Variants in PCDHGA1 observed in about 807,000 individuals in gnomAD.
The protein encoded by PCDHGA1 is protocadherin gamma-A1.
PCDHGA1 carries 32 observed loss-of-function variants against 58.0 expected under a neutral mutation model. The ratio of observed to expected loss-of-function variants is 0.55; its 90% CI spans 0.42 to 0.74. The LOEUF (loss-of-function observed/expected upper bound fraction) is 0.74, where lower values mean the gene tolerates loss of function less well. PCDHGA1 is among the 30% of genes least tolerant of loss of function. The probability of loss-of-function intolerance (pLI) is 0.00; values close to 1 mark genes in which losing one functional copy is unlikely to be tolerated. For synonymous variants in PCDHGA1, 498 were observed against 501.1 expected (o/e 0.99, Z 0.08); for missense variants, 1,205 against 1,182.3 (o/e 1.02, Z -0.28).
chr5:141,490,482 G>A lies in PCDHGA1; in HGVS notation c.2422-4325G>A. On this transcript the variant is annotated intron_variant, in intron 1 of 3. Coordinates refer to ENST00000517417, the MANE Select transcript of PCDHGA1 (RefSeq NM_018912.3). The surrounding 1 kb of genome is among the most constrained non-coding windows in gnomAD (Gnocchi z 5.4). ...TGCTAACCAGCCAGCCTTTGGACCG[G>A]GAGGCCACATCCCACTATATCATCG... 2.5e-6 allele frequency: 4 copies of A among 1,614,154 alleles called. No homozygotes were observed. In the South Asian group the frequency reaches 4.4e-5, roughly 18 times the overall value.
In PCDHGA1 at chr5:141,420,182, C is replaced by G. The variant is rs375716662; in HGVS notation, c.2422-74625C>G. The G allele has an allele frequency of 3.7e-6, 6 of 1,613,694 alleles. No individual in the cohort carries two copies. In the African/African-American group the frequency reaches 8.0e-5, roughly 22 times the overall value. Reference sequence around the variant, plus strand: ...TTTTTTCACATCTGTTGATCATTGTCCAGCCACACAAGATAACCTCAACAA... The same window carrying G: ...TTTTTTCACATCTGTTGATCATTGTGCAGCCACACAAGATAACCTCAACAA... On this transcript the variant is annotated intron_variant, in intron 1 of 3. Transcript: ENST00000517417.
At chr5:141,333,258 C>A in intron 1 of PCDHGA1, 153 bp downstream of exon 1, 3 of 1,074,282 alleles carry the variant, frequency 2.8e-6, no homozygotes, top group Non-Finnish European at 4.0e-6. Flanking sequence ...ATTGAGTCTA[C>A]ACGTTCATAT....
chr5:141,366,285 C>T (rs1764466152), intron 1 of PCDHGA1: 4 of 1,613,710 alleles, frequency 2.5e-6, no homozygotes, highest in East Asian at 2.2e-5. Flanking sequence ...CATGGCCAGC[C>T]CCCTCTGTCA....
intron 2 of PCDHGA1, among the ~76,000 whole-genome samples, chr5:141,500,254 G>A (rs1260325865): frequency 1.3e-5 from 2 of 150,426 alleles, no homozygotes; most frequent in Non-Finnish European, 3.0e-5. Context: ...TGTCACCCAG[G>A]CTGGACTGCA....
At chr5:141,377,347 T>G (rs902378263) in intron 1 of PCDHGA1, 3 of 152,196 alleles carry the variant, frequency 2.0e-5, no homozygotes, top group Non-Finnish European at 2.9e-5. Flanking sequence ...GGTTCACGCC[T>G]GTAATCCCAC....
At chr5:141,421,748 G>A (rs763166274) in intron 1 of PCDHGA1, 4 of 1,613,944 alleles carry the variant, frequency 2.5e-6, no homozygotes, top group South Asian at 2.2e-5. Context: ...TACCAGCTCA[G>A]CCCTAATAAT....
chr5:141,382,530 G>T (rs1043069134), intron 1 of PCDHGA1, among the ~76,000 whole-genome samples: 2 of 152,150 alleles, frequency 1.3e-5, no homozygotes, highest in Non-Finnish European at 2.9e-5. Context: ...GTCTTAAAAT[G>T]GATTTTTAAT....
intron 1 of PCDHGA1, chr5:141,357,132 G>C (rs1369808514): frequency 6.2e-7 from 1 of 1,613,550 alleles, no homozygotes; most frequent in South Asian, 1.1e-5. Flanking sequence ...GGCTTGTAGT[G>C]GTCGTCCAGG....
intron 1 of PCDHGA1, chr5:141,385,030 C>T (rs1448535123): frequency 6.2e-7 from 1 of 1,614,070 alleles, no homozygotes; most frequent in Non-Finnish European, 8.5e-7. Flanking sequence ...CGTCCTCGTA[C>T]TGCTGGCGCT....
intron 2 of PCDHGA1, among the ~76,000 whole-genome samples, chr5:141,495,607 A>G (rs1484333463): frequency 1.3e-5 from 2 of 151,832 alleles, no homozygotes; most frequent in Admixed American, 1.3e-4. Flanking sequence ...TTCCGTCTTG[A>G]TTGCTGCACC....
chr5:141,418,748 A>G, intron 1 of PCDHGA1: 7 of 1,613,954 alleles, frequency 4.3e-6, no homozygotes, highest in East Asian at 2.2e-5. Context: ...TCTGGATTAC[A>G]CTACAGGAAA....
At position 141,431,034 on chromosome 5, in the gene PCDHGA1, G is replaced by C. The variant is rs372312860; in HGVS notation, c.2422-63773G>C. 2.5e-6 allele frequency: 4 copies of C among 1,613,992 alleles called. No homozygotes were observed. The highest frequency in any genetic ancestry group is 2.7e-5 in the African/African-American group (2 of 74,938). On this transcript the variant is annotated intron_variant, in intron 1 of 3. Coordinates refer to ENST00000517417, the MANE Select transcript of PCDHGA1 (RefSeq NM_018912.3). The surrounding 1 kb of genome is among the most constrained non-coding windows in gnomAD (Gnocchi z 4.8). ...TTGGTCACGGCGGGCAGGATAGACC[G>C]GGAGGAGCTCTGTATGGGGGCCATC...
At chr5:141,351,629 G>C in intron 1 of PCDHGA1, 1 of 1,614,046 alleles carries the variant, frequency 6.2e-7, no homozygotes, top group Non-Finnish European at 8.5e-7. Context: ...TGTGGTCCAC[G>C]TGTCTGAGAA....
At chr5:141,360,584 CA>C (rs1475188649) in intron 1 of PCDHGA1, 7 of 1,613,944 alleles carry the variant, frequency 4.3e-6, no homozygotes, top group Non-Finnish European at 5.1e-6. Context: ...AAGCCAGGTA[CA>C]ACATTTCCAC....
rs138031063 is a variant in PCDHGA1 at position 141,447,985 on chromosome 5, C to T, written c.2422-46822C>T. Among the ~76,000 whole-genome samples the T allele has an allele frequency of 3.9e-3, 591 of 152,010 alleles. 6 individuals are homozygous for T. The highest frequency in any genetic ancestry group is 0.011 in the Admixed American group (170 of 15,260). On this transcript the variant is annotated intron_variant, in intron 1 of 3. Transcript: ENST00000517417. ...CCTATAATCCCAGCTACTCGGGAGG[C>T]TGAGGCATGAGAATCGCTTGAACCC...
rs146187959 is a variant in PCDHGA1 at position 141,330,771 on chromosome 5, G to A, written c.87G>A (p.Gly29=). The change falls in exon 1 of 4, where the codon GGG becomes GGA. Residue 29 remains glycine, a synonymous_variant. Transcript: ENST00000517417. The part of the protein sequence containing the change: ...SLELLLEAGA[G]NIHYSVPEET... ...AGCTGCTGTTGGAAGCTGGGGCTGG[G>A]AATATTCACTACTCAGTGCCGGAAG... 1,504 of 1,614,188 alleles carry A rather than the reference G, an allele frequency of 9.3e-4. 16 individuals are homozygous for A. The highest frequency in any genetic ancestry group is 4.9e-3 in the South Asian group (446 of 91,086).
At chr5:141,436,691 A>G (rs2097840863) in intron 1 of PCDHGA1, among the ~76,000 whole-genome samples, 1 of 152,226 alleles carries the variant, frequency 6.6e-6, no homozygotes, top group Admixed American at 6.5e-5. Context: ...TATATTTTCA[A>G]TGCCAGCACA....
intron 1 of PCDHGA1, chr5:141,376,127 G>T (rs1331529697): frequency 3.7e-6 from 6 of 1,613,710 alleles, no homozygotes; most frequent in Non-Finnish European, 5.1e-6. Flanking sequence ...CGAGCCCTCC[G>T]CCAAACCCAA....
intron 1 of PCDHGA1, among the ~76,000 whole-genome samples, chr5:141,461,978 C>T (rs888687367): frequency 2.6e-5 from 4 of 152,216 alleles, no homozygotes; most frequent in African/African-American, 9.6e-5. Flanking sequence ...CATATGCCAC[C>T]ACGCCAGGCT....
Sources: allele counts gnomAD v4.1 joint callset (sites outside exome capture counted in the v4.1 genomes callset), GRCh38; gene constraint gnomAD v4.1.1; non-coding constraint Gnocchi (gnomAD v3.1); transcripts MANE v1.5; gene names NCBI Gene and HGNC (gene_info 2026-07-23, HGNC 2026-07-21).